MAOB: variants seen among roughly 807,000 people sequenced by gnomAD.
MAOB encodes amine oxidase [flavin-containing] B.
A neutral mutation model predicts 41.9 loss-of-function variants in MAOB; 15 were observed. The observed-to-expected ratio is 0.36, with a 90% CI of 0.24 to 0.55. The LOEUF is 0.55. MAOB is among the 20% of genes least tolerant of loss of function. MAOB has a pLI of 0.86. For synonymous variants in MAOB, 167 were observed against 144.2 expected, an observed-to-expected ratio of 1.16 and a Z score of -1.13; for missense variants, 345 against 398.7, an observed-to-expected ratio of 0.87 and a Z score of 1.15.
At chrX:43,796,861 A>G (rs2034533848) in intron 6 of MAOB, among the ~76,000 whole-genome samples, 1 of 112,012 alleles carries the variant, frequency 8.9e-6, no homozygotes. Context: ...CTACAAACTT[A>G]CCAAATAATA....
At chrX:43,874,886 T>C (rs1169929375) in intron 1 of MAOB, among the ~76,000 whole-genome samples, 1 of 112,133 alleles carries the variant, frequency 8.9e-6, no homozygotes, top group Non-Finnish European at 1.9e-5. Flanking sequence ...AATTCAATTA[T>C]ACATTAGTTT....
At chrX:43,872,334 G>A (rs2035413558) in intron 1 of MAOB, among the ~76,000 whole-genome samples, 1 of 111,608 alleles carries the variant, frequency 9.0e-6, no homozygotes, top group Non-Finnish European at 1.9e-5. Context: ...ATTAAATTAC[G>A]ACTACAAACT....
At chrX:43,773,208 A>G (rs759484524) in intron 12 of MAOB, among the ~76,000 whole-genome samples, 7 of 111,533 alleles carry the variant, frequency 6.3e-5, no homozygotes, top group Non-Finnish European at 1.3e-4. Context: ...TGCATTATGA[A>G]GCCTTCCCAG....
chrX:43,784,908 G>A (rs941042592), intron 8 of MAOB, among the ~76,000 whole-genome samples: 9 of 112,322 alleles, frequency 8.0e-5, no homozygotes, highest in African/African-American at 2.3e-4. Context: ...AGCCCTTTGG[G>A]AGGCCAAGAT....
intron 3 of MAOB, among the ~76,000 whole-genome samples, chrX:43,827,917 C>G (rs1242566205): frequency 8.9e-6 from 1 of 111,780 alleles, no homozygotes; most frequent in African/African-American, 3.3e-5. Context: ...AACCTTAGCT[C>G]CAGCCTGGAT....
At chrX:43,833,291 A>G (rs1313035991) in intron 3 of MAOB, among the ~76,000 whole-genome samples, 1 of 110,802 alleles carries the variant, frequency 9.0e-6, no homozygotes, top group East Asian at 2.8e-4. Context: ...CATTGTTATT[A>G]CTTCTTGGTG....
At chrX:43,780,698 C>A (rs1199660735) in intron 9 of MAOB, among the ~76,000 whole-genome samples, 2 of 111,661 alleles carry the variant, frequency 1.8e-5, no homozygotes, top group African/African-American at 6.5e-5. Flanking sequence ...ATAAGAATAA[C>A]CCTTGGGCCT....
At chrX:43,859,870 T>C (rs1367278668) in intron 1 of MAOB, among the ~76,000 whole-genome samples, 1 of 111,967 alleles carries the variant, frequency 8.9e-6, no homozygotes, top group Non-Finnish European at 1.9e-5. Flanking sequence ...TAATAATCTA[T>C]ACACATTGCA....
At chrX:43,842,177 C>T (rs907960622) in intron 2 of MAOB, among the ~76,000 whole-genome samples, 1 of 111,842 alleles carries the variant, frequency 8.9e-6, no homozygotes, top group African/African-American at 3.2e-5. Context: ...GGTTAATATC[C>T]AAATTATATA....
At chrX:43,806,733 A>T (rs1372349715) in intron 3 of MAOB, among the ~76,000 whole-genome samples, 2 of 111,589 alleles carry the variant, frequency 1.8e-5, no homozygotes, top group East Asian at 5.7e-4. Context: ...TCTAAGGAAG[A>T]TTTTCCTCTT....
intron 5 of MAOB, among the ~76,000 whole-genome samples, chrX:43,798,837 A>G (rs987842939): frequency 8.9e-6 from 1 of 111,854 alleles, no homozygotes; most frequent in East Asian, 2.8e-4. Flanking sequence ...TTATCTTGTT[A>G]AATTGTTGCA....
chrX:43,824,032 G>A (rs925108344), intron 3 of MAOB, among the ~76,000 whole-genome samples: 1 of 112,200 alleles, frequency 8.9e-6, no homozygotes, highest in African/African-American at 3.2e-5. Flanking sequence ...TGACAACTGC[G>A]GGTTGGTCTA....
chrX:43,837,129 T>A (rs1167092456), intron 3 of MAOB, among the ~76,000 whole-genome samples: 1 of 112,127 alleles, frequency 8.9e-6, no homozygotes, highest in Non-Finnish European at 1.9e-5. Flanking sequence ...AATTTAAAGA[T>A]CCTAGTGTTC....
At chrX:43,772,268 G>C (rs1027782015) in intron 12 of MAOB, among the ~76,000 whole-genome samples, 1 of 111,489 alleles carries the variant, frequency 9.0e-6, no homozygotes, top group Non-Finnish European at 1.9e-5. Context: ...ATTGAAGGTA[G>C]TTATAGGAAG....
chrX:43,791,933 C>G (rs759488665), intron 8 of MAOB, among the ~76,000 whole-genome samples: 11 of 111,491 alleles, frequency 9.9e-5, no homozygotes, highest in Non-Finnish European at 2.1e-4. Flanking sequence ...AATGTTCTGC[C>G]CAATTGAGTA....
At chrX:43,848,685 C>T (rs1239330834) in intron 1 of MAOB, among the ~76,000 whole-genome samples, 1 of 112,019 alleles carries the variant, frequency 8.9e-6, no homozygotes, top group East Asian at 2.8e-4. Flanking sequence ...CCCCAAGTAG[C>T]TGGGATTACA....
intron 6 of MAOB, 32 bp from the exon 7 acceptor site, chrX:43,795,920 G>A (rs761635266): frequency 1.3e-5 from 16 of 1,185,588 alleles, no homozygotes; most frequent in African/African-American, 3.5e-5. Context: ...AAAGAGAAAC[G>A]CAGGAATGGG....
chrX:43,821,228 T>C (rs776850123), intron 3 of MAOB, among the ~76,000 whole-genome samples: 6 of 111,531 alleles, frequency 5.4e-5, no homozygotes, highest in Admixed American at 9.5e-5. Context: ...CTTTACAGCA[T>C]CACTGAGCAT....
intron 1 of MAOB, among the ~76,000 whole-genome samples, chrX:43,854,090 A>T (rs1056385191): frequency 8.9e-6 from 1 of 112,503 alleles, no homozygotes; most frequent in African/African-American, 3.2e-5. Flanking sequence ...TTATGTTGTC[A>T]GTAGTGCTGA....
Sources: allele counts gnomAD v4.1 joint callset (sites outside exome capture counted in the v4.1 genomes callset), GRCh38; gene constraint gnomAD v4.1.1; transcripts MANE v1.5; gene names NCBI Gene and HGNC (gene_info 2026-07-23, HGNC 2026-07-21).